The following TNFSF4 variants were observed in gnomAD, a reference collection of about 807,000 sequenced individuals.
TNFSF4 encodes tumor necrosis factor ligand superfamily member 4.
In TNFSF4, 4 loss-of-function variants were observed where a neutral mutation model predicts 7.3. The observed-to-expected ratio is 0.55, with a 90% CI of 0.27 to 1.25. The LOEUF is 1.25. TNFSF4 is among the 50% of genes most tolerant of loss of function. The probability of loss-of-function intolerance (pLI) is 0.12; values close to 1 mark genes in which losing one functional copy is unlikely to be tolerated. For synonymous variants in TNFSF4, 76 were observed against 83.7 expected (o/e 0.91, Z 0.50); for missense variants, 181 against 208.8 (o/e 0.87, Z 0.82).
chr1:173,435,678 A>C, the TNFSF4 span, among the ~76,000 whole-genome samples: 2 of 152,266 alleles, frequency 1.3e-5, no homozygotes, highest in East Asian at 3.8e-4. Context: ...CAACTAATAC[A>C]GTATGCAATC....
chr1:173,245,878 G>A, the TNFSF4 span, among the ~76,000 whole-genome samples: 85 of 152,232 alleles, frequency 5.6e-4, no homozygotes, highest in African/African-American at 2.0e-3. Flanking sequence ...CACTTAACAT[G>A]TCTTCCAGGT....
the TNFSF4 span, among the ~76,000 whole-genome samples, chr1:173,339,151 G>A: frequency 6.6e-6 from 1 of 152,144 alleles, no homozygotes; most frequent in Non-Finnish European, 1.5e-5. Flanking sequence ...CAACACTTCA[G>A]GAGGATCACT....
the TNFSF4 span, among the ~76,000 whole-genome samples, chr1:173,302,856 T>C: frequency 2.0e-5 from 3 of 151,898 alleles, no homozygotes; most frequent in Non-Finnish European, 4.4e-5. Flanking sequence ...TTTTAGCCAC[T>C]GATGACGTTA....
At chr1:173,246,231 T>C in the TNFSF4 span, among the ~76,000 whole-genome samples, 1 of 152,328 alleles carries the variant, frequency 6.6e-6, no homozygotes, top group Admixed American at 6.5e-5. Flanking sequence ...GGTGGTTTGC[T>C]GCACCTATTA....
intron 1 of TNFSF4, among the ~76,000 whole-genome samples, chr1:173,195,155 A>G (rs554121529): frequency 1.2e-4 from 18 of 152,334 alleles, no homozygotes; most frequent in African/African-American, 4.3e-4. Context: ...AAGAGTAAAT[A>G]ACACCAAAAA....
chr1:173,439,716 A>G, the TNFSF4 span, among the ~76,000 whole-genome samples: 1 of 152,208 alleles, frequency 6.6e-6, no homozygotes, highest in Non-Finnish European at 1.5e-5. Context: ...TCAACTGGAA[A>G]GGCCACTGAA....
At chr1:173,289,766 C>T in the TNFSF4 span, among the ~76,000 whole-genome samples, 1 of 151,908 alleles carries the variant, frequency 6.6e-6, no homozygotes, top group Non-Finnish European at 1.5e-5. Flanking sequence ...ATGGCATTAA[C>T]AGCAAATAAG....
chr1:173,322,772 C>T, the TNFSF4 span, among the ~76,000 whole-genome samples: 16 of 152,042 alleles, frequency 1.1e-4, no homozygotes, highest in African/African-American at 2.7e-4. Flanking sequence ...CCTACACCCA[C>T]GGAGCCTCGC....
chr1:173,203,880 C>G (rs1187809973), intron 1 of TNFSF4, among the ~76,000 whole-genome samples: 1 of 152,098 alleles, frequency 6.6e-6, no homozygotes, highest in Non-Finnish European at 1.5e-5. Context: ...AGCTGAAGTT[C>G]CAGGTAAGAC....
At chr1:173,354,056 G>A in the TNFSF4 span, among the ~76,000 whole-genome samples, 2 of 151,748 alleles carry the variant, frequency 1.3e-5, no homozygotes, top group South Asian at 2.1e-4. Flanking sequence ...AAATCTAGGA[G>A]GTGGTTTTTT....
the TNFSF4 span, among the ~76,000 whole-genome samples, chr1:173,244,459 G>A: frequency 2.8e-4 from 43 of 151,604 alleles, no homozygotes; most frequent in African/African-American, 9.5e-4. Flanking sequence ...CGGCTAAAAC[G>A]GTGAAACCCC....
the TNFSF4 span, among the ~76,000 whole-genome samples, chr1:173,261,427 G>A: frequency 4.3e-4 from 66 of 151,894 alleles, 1 homozygote; most frequent in East Asian, 0.011. Flanking sequence ...ATGAAAGAAC[G>A]AAGAGCAAAC....
At chr1:173,343,601 G>T in the TNFSF4 span, among the ~76,000 whole-genome samples, 2 of 152,162 alleles carry the variant, frequency 1.3e-5, no homozygotes, top group Admixed American at 1.3e-4. Flanking sequence ...CTTCTTCCAA[G>T]AAGCCTTCTC....
At chr1:173,336,571 A>C in the TNFSF4 span, among the ~76,000 whole-genome samples, 1 of 152,180 alleles carries the variant, frequency 6.6e-6, no homozygotes, top group African/African-American at 2.4e-5. Context: ...TGTCTACCTC[A>C]GGGGTATAAC....
At chr1:173,203,281 C>A (rs952343477) in intron 1 of TNFSF4, among the ~76,000 whole-genome samples, 3 of 149,236 alleles carry the variant, frequency 2.0e-5, no homozygotes, top group Admixed American at 6.8e-5. Context: ...ATATCTAATA[C>A]CTGCCCCCAA....
At chr1:173,307,538 T>C in the TNFSF4 span, among the ~76,000 whole-genome samples, 1 of 151,924 alleles carries the variant, frequency 6.6e-6, no homozygotes. Context: ...ATTAAGACAA[T>C]TGGAAAATTG....
the TNFSF4 span, among the ~76,000 whole-genome samples, chr1:173,446,227 G>A: frequency 6.6e-6 from 1 of 150,936 alleles, no homozygotes; most frequent in African/African-American, 2.4e-5. Context: ...TGAACAAAGG[G>A]AAAAAAACAG....
At chr1:173,281,124 C>T in the TNFSF4 span, among the ~76,000 whole-genome samples, 3 of 151,884 alleles carry the variant, frequency 2.0e-5, no homozygotes, top group African/African-American at 4.8e-5. Flanking sequence ...CACACTAGTA[C>T]GTGAGATGCG....
the TNFSF4 span, among the ~76,000 whole-genome samples, chr1:173,327,613 G>A: frequency 0.028 from 4,176 of 151,420 alleles, 121 homozygotes; most frequent in African/African-American, 0.088. Flanking sequence ...ATCTGACAAA[G>A]GGCTAATATC....
Sources: allele counts gnomAD v4.1 joint callset (sites outside exome capture counted in the v4.1 genomes callset), GRCh38; gene constraint gnomAD v4.1.1; transcripts MANE v1.5; gene names NCBI Gene and HGNC (gene_info 2026-07-23, HGNC 2026-07-21).